DDX52: variants seen among roughly 807,000 people sequenced by gnomAD.
DDX52 encodes the protein probable ATP-dependent RNA helicase DDX52.
A neutral mutation model predicts 76.1 loss-of-function variants in DDX52; 59 were observed. That is an observed-to-expected ratio of 0.78 (90% confidence interval 0.63 to 0.96). The LOEUF (loss-of-function observed/expected upper bound fraction) is 0.96, where lower values mean the gene tolerates loss of function less well. Among genes scored for constraint, DDX52 ranks in the 40% least tolerant of loss-of-function variants. The pLI, the probability that DDX52 is intolerant of heterozygous loss-of-function variation, is 0.00. For missense variants in DDX52, 707 were observed against 703.9 expected, an observed-to-expected ratio of 1.00 and a Z score of -0.05; for synonymous variants, 231 against 244.1, an observed-to-expected ratio of 0.95 and a Z score of 0.50.
At chr17:37,639,245 A>C (rs1377115220) in intron 2 of DDX52, among the ~76,000 whole-genome samples, 4 of 152,240 alleles carry the variant, frequency 2.6e-5, no homozygotes, top group Non-Finnish European at 5.9e-5. Context: ...TAATATGATA[A>C]GGGAACAATG....
At chr17:37,617,973 G>A (rs1426242818) in intron 14 of DDX52, among the ~76,000 whole-genome samples, 2 of 152,056 alleles carry the variant, frequency 1.3e-5, no homozygotes, top group Admixed American at 1.3e-4. Context: ...AAAATAGCTG[G>A]GTGTGGTGGC....
At chr17:37,639,917 T>G (rs2031109589) in intron 2 of DDX52, among the ~76,000 whole-genome samples, 1 of 152,146 alleles carries the variant, frequency 6.6e-6, no homozygotes, top group South Asian at 2.1e-4. Context: ...TTATCAAACT[T>G]CCTTGCAGCC....
chr17:37,639,996 C>T (rs1298802786), intron 2 of DDX52, among the ~76,000 whole-genome samples: 1 of 152,202 alleles, frequency 6.6e-6, no homozygotes, highest in Non-Finnish European at 1.5e-5. Flanking sequence ...AATGCCCACA[C>T]AGTAACATGT....
At position 37,626,845 on chromosome 17, in the gene DDX52, G is replaced by A. The variant is rs564467351; in HGVS notation, c.875C>T (p.Thr292Ile). The stretch of plus-strand genomic sequence containing the variant: ...TAATAAATAGATTAGTCGATTTGGA[G>A]TAGTCACAAGAATATCTATAGGAAA... ...SSKKFDILVTTPNRLIYLLKQ... is the reference protein window; with the variant it reads ...SSKKFDILVTIPNRLIYLLKQ... Residue 292 changes from threonine to isoleucine, a missense_variant, in exon 7 of 15, where the codon ACT (threonine) becomes ATT (isoleucine). Physicochemically the swap from Thr to Ile is moderately conservative, Grantham distance 89 (BLOSUM62 -1). Transcript: ENST00000617633. 3.1e-6 allele frequency: 5 copies of A among 1,611,986 alleles called. No homozygotes were observed. The highest frequency in any genetic ancestry group is 1.7e-4 in the Middle Eastern group (1 of 6,056).
intron 1 of DDX52, 104 bp from the exon 2 acceptor site, chr17:37,642,412 AG>A (rs2031248316): frequency 7.6e-7 from 1 of 1,308,154 alleles, no homozygotes; most frequent in Non-Finnish European, 1.0e-6. Flanking sequence ...CCTTTCACCA[AG>A]TATCTGTCGA....
In DDX52 at chr17:37,642,173, CTTTT is replaced by C; in HGVS notation, c.219_222del (p.Glu75ArgfsTer3). The C allele has an allele frequency of 1.2e-6, 2 of 1,613,980 alleles. No individual in the cohort carries two copies. Among genetic ancestry groups the C allele is most frequent in the Non-Finnish European group, 1.7e-6 (2 of 1,180,010 alleles). On this transcript the variant is annotated frameshift_variant, in exon 2 of 15. Coordinates refer to ENST00000617633, the MANE Select transcript of DDX52 (RefSeq NM_007010.5). LOFTEE classifies it high-confidence loss of function. ...CTCTTCCTTTCAGTTAGGCTCTCTT[CTTTT>C]TTCTCTCCATTTTGGGGCTTCTGAT...
rs534696375 is a variant in DDX52 at position 37,621,995 on chromosome 17, C to T, written c.1228-475G>A. On this transcript the variant is annotated intron_variant, in intron 9 of 14. Transcript: ENST00000617633. Reference sequence around the variant, plus strand: ...GGGGAAATCTGGGCTTTTAGTGTACCCATCACCCCAATGGTGTACACTGAA... The same window carrying T: ...GGGGAAATCTGGGCTTTTAGTGTACTCATCACCCCAATGGTGTACACTGAA... Among the ~76,000 whole-genome samples the T allele has an allele frequency of 3.9e-5, 6 of 152,018 alleles. No individual in the cohort carries two copies. The South Asian group carries it at 1.2e-3, about 32-fold the overall frequency.
intron 14 of DDX52, among the ~76,000 whole-genome samples, chr17:37,616,751 T>G (rs2064432112): frequency 6.6e-6 from 1 of 152,190 alleles, no homozygotes; most frequent in Non-Finnish European, 1.5e-5. Context: ...GATTGACTAT[T>G]CAAATATACT....
At chr17:37,643,227 G>C (rs1291105645) in intron 1 of DDX52, 107 bp downstream of exon 1, 1 of 1,202,772 alleles carries the variant, frequency 8.3e-7, no homozygotes, top group Non-Finnish European at 1.2e-6. Context: ...GGTGGCGAGA[G>C]CCAGGCCACG....
In DDX52 at chr17:37,624,335, C is replaced by A; in HGVS notation, c.1227+9G>T. 2 of 1,598,670 alleles carry A rather than the reference C, an allele frequency of 1.3e-6. No homozygotes were observed. The highest frequency in any genetic ancestry group is 1.7e-6 in the Non-Finnish European group (2 of 1,171,016). ...TTTACCAAAATTCAAGAAGGTAATA[C>A]AAATATACCTTTTTAACAAGTTCTC... On this transcript the variant is annotated intron_variant, in intron 9 of 14. Coordinates refer to ENST00000617633, the MANE Select transcript of DDX52 (RefSeq NM_007010.5).
chr17:37,618,056 A>G (rs529096456), intron 14 of DDX52, among the ~76,000 whole-genome samples: 2 of 152,210 alleles, frequency 1.3e-5, no homozygotes, highest in Non-Finnish European at 2.9e-5. Flanking sequence ...CAGAGGTTGC[A>G]GTGAGCTGAG....
chr17:37,637,553 T>C (rs141473980), intron 2 of DDX52, among the ~76,000 whole-genome samples: 1 of 152,184 alleles, frequency 6.6e-6, no homozygotes, highest in Non-Finnish European at 1.5e-5. Context: ...CCACTGCTCC[T>C]GGCCTCCCTA....
chr17:37,619,921 A>G, intron 12 of DDX52, 82 bp from the exon 13 acceptor site: 4 of 1,385,078 alleles, frequency 2.9e-6, no homozygotes, highest in Non-Finnish European at 4.0e-6. Flanking sequence ...ACAACCTTAC[A>G]GGGAACTAAA....
At chr17:37,619,914 A>G in intron 12 of DDX52, 75 bp from the exon 13 acceptor site, 1 of 1,440,126 alleles carries the variant, frequency 6.9e-7, no homozygotes, top group Middle Eastern at 1.8e-4. Flanking sequence ...CCTCTGCACA[A>G]CCTTACAGGG....
intron 14 of DDX52, among the ~76,000 whole-genome samples, chr17:37,616,832 A>AC (rs1208816428): frequency 6.6e-6 from 1 of 152,176 alleles, no homozygotes; most frequent in Non-Finnish European, 1.5e-5. Context: ...CACTATATAT[A>AC]CACTGTATAT....
chr17:37,642,968 T>C (rs536342633), intron 1 of DDX52: 34 of 183,432 alleles, frequency 1.9e-4, no homozygotes, highest in African/African-American at 8.0e-4. Flanking sequence ...GGGGAGACTA[T>C]AGTAAGAGAA....
intron 2 of DDX52, among the ~76,000 whole-genome samples, chr17:37,636,591 T>G (rs1488833740): frequency 1.3e-5 from 2 of 152,192 alleles, no homozygotes; most frequent in African/African-American, 4.8e-5. Flanking sequence ...AGACAGCAGT[T>G]TGAAAACAGC....
rs962930907 is a variant in DDX52 at position 37,620,561 on chromosome 17, T to C, written c.1577+312A>G. On this transcript the variant is annotated intron_variant, in intron 12 of 14. Transcript: ENST00000617633. ...TTAATCATCATCAACCAAAAATTAC[T>C]ATAGGCAGTCAAAATGCAGGAAACT... is the stretch of plus-strand genomic sequence containing the variant. The C allele has an allele frequency of 8.1e-5, 19 of 233,630 alleles. No homozygotes were observed. The Admixed American group carries it at 1.1e-3, about 13-fold the overall frequency. The allele number at this position is 233,630 out of a possible 1,614,324, so 14.5% of individuals were successfully genotyped here. A position where few individuals can be genotyped will look rare whatever the true frequency, so the allele number is the denominator to read the frequency against.
intron 2 of DDX52, among the ~76,000 whole-genome samples, chr17:37,637,966 G>C (rs1429728813): frequency 6.6e-6 from 1 of 152,222 alleles, no homozygotes; most frequent in Non-Finnish European, 1.5e-5. Context: ...CTGCAGACAA[G>C]AGCAGAGATT....
Sources: allele counts gnomAD v4.1 joint callset (sites outside exome capture counted in the v4.1 genomes callset), GRCh38; gene constraint gnomAD v4.1.1; transcripts MANE v1.5; gene names NCBI Gene and HGNC (gene_info 2026-07-23, HGNC 2026-07-21).